Variants in OR9Q1 observed in about 807,000 individuals in gnomAD.
OR9Q1 encodes the protein olfactory receptor 9Q1.
For missense variants in OR9Q1, 374 were observed against 378.8 expected, an observed-to-expected ratio of 0.99 and a Z score of 0.11; for synonymous variants, 153 against 148.6, an observed-to-expected ratio of 1.03 and a Z score of -0.22.
At chr11:58,132,860 A>ACCCC (rs976481636) in intron 2 of OR9Q1, among the ~76,000 whole-genome samples, 1 of 151,946 alleles carries the variant, frequency 6.6e-6, no homozygotes, top group African/African-American at 2.4e-5. Context: ...CTGATTAGAA[A>ACCCC]CCCCAGTCAG....
At chr11:58,079,950 C>A (rs181177354) in intron 2 of OR9Q1, among the ~76,000 whole-genome samples, 107 of 152,290 alleles carry the variant, frequency 7.0e-4, no homozygotes, top group African/African-American at 2.5e-3. Flanking sequence ...GTTAAACCCA[C>A]TGTTTTTTAA....
At chr11:58,041,506 C>A in intron 1 of OR9Q1, 1 of 153,252 alleles carries the variant, frequency 6.5e-6, no homozygotes, top group Non-Finnish European at 1.5e-5. Context: ...GTGGTGGTGT[C>A]AGACGAAGAT....
At chr11:58,161,281 CCAAAAA>C (rs1854455489) in intron 2 of OR9Q1, among the ~76,000 whole-genome samples, 2 of 149,738 alleles carry the variant, frequency 1.3e-5, no homozygotes, top group Middle Eastern at 3.5e-3. Context: ...TGTGACTGAA[CCAAAAA>C]CATTTAAACT....
Position 58,078,018 on chromosome 11 carries a change from A to G in OR9Q1, c.-15+22071A>G, listed in dbSNP as rs143844067. On this transcript the variant is annotated intron_variant, in intron 2 of 2. Coordinates refer to ENST00000335397, the MANE Select transcript of OR9Q1 (RefSeq NM_001005212.4). ...CTGAAAATACAAAAATTAGCCAGGC[A>G]TGGTGGTGCATGCCTGTAATTCCAG... is the stretch of plus-strand genomic sequence containing the variant. 2.9e-4 allele frequency among the ~76,000 whole-genome samples: 44 copies of G among 152,260 alleles called. No individual in the cohort carries two copies. The East Asian group carries it at 5.4e-3, about 19-fold the overall frequency.
At chr11:58,146,295 T>C (rs1854298450) in intron 2 of OR9Q1, among the ~76,000 whole-genome samples, 1 of 152,232 alleles carries the variant, frequency 6.6e-6, no homozygotes, top group Non-Finnish European at 1.5e-5. Context: ...TTTACTCTAT[T>C]GTCAGAAGAC....
At chr11:58,152,955 C>T (rs890524120) in intron 2 of OR9Q1, among the ~76,000 whole-genome samples, 11 of 152,186 alleles carry the variant, frequency 7.2e-5, no homozygotes, top group South Asian at 4.1e-4. Context: ...TCCAGGAGGG[C>T]GGGCACTTAG....
intron 1 of OR9Q1, chr11:58,047,501 T>A (rs1398232768): frequency 6.6e-6 from 1 of 152,126 alleles, no homozygotes; most frequent in African/African-American, 2.4e-5. Context: ...GAAAACCTCT[T>A]CTTGGGCTTT....
chr11:58,153,881 G>A (rs1046362758), intron 2 of OR9Q1, among the ~76,000 whole-genome samples: 3 of 152,124 alleles, frequency 2.0e-5, no homozygotes, highest in African/African-American at 7.2e-5. Context: ...GGAAGAATTA[G>A]GATTTGAGGG....
At chr11:58,056,635 G>A (rs1037822922) in intron 2 of OR9Q1, among the ~76,000 whole-genome samples, 2 of 152,240 alleles carry the variant, frequency 1.3e-5, no homozygotes, top group African/African-American at 4.8e-5. Context: ...CAACAGCAGA[G>A]TTGAGTAGTT....
intron 2 of OR9Q1, among the ~76,000 whole-genome samples, chr11:58,082,112 A>G (rs1232423008): frequency 3.3e-5 from 5 of 152,290 alleles, no homozygotes; most frequent in South Asian, 4.1e-4. Context: ...TCAGGAAACA[A>G]CAGGTGCTGG....
At chr11:58,123,285 T>G (rs1854054085) in intron 2 of OR9Q1, among the ~76,000 whole-genome samples, 1 of 152,226 alleles carries the variant, frequency 6.6e-6, no homozygotes. Flanking sequence ...GAAATCTCCC[T>G]GCAGTTAATC....
rs561593944 is a variant in OR9Q1, at chr11:58,086,263, A to G, written c.-15+30316A>G. Among the ~76,000 whole-genome samples, 7 of 152,074 alleles carry G rather than the reference A, an allele frequency of 4.6e-5. No individual in the cohort carries two copies. The East Asian group carries it at 7.7e-4, about 17-fold the overall frequency. On this transcript the variant is annotated intron_variant, in intron 2 of 2. Coordinates refer to ENST00000335397, the MANE Select transcript of OR9Q1 (RefSeq NM_001005212.4). ...ATGACCAACAGATATGTGAAAAAAT[A>G]TTCATCATCGCTAATCATTAGGTAA...
chr11:58,119,149 G>A (rs1853996352), intron 2 of OR9Q1: 1 of 1,614,022 alleles, frequency 6.2e-7, no homozygotes. Context: ...AAAGAACTGG[G>A]CAGCACAGTG....
At chr11:58,167,591 A>G (rs993581664) in intron 2 of OR9Q1, among the ~76,000 whole-genome samples, 84 of 152,288 alleles carry the variant, frequency 5.5e-4, no homozygotes, top group African/African-American at 2.0e-3. Context: ...TCAACTGACT[A>G]TAAAGTGACT....
chr11:58,062,388 A>G (rs1853388323), intron 2 of OR9Q1, among the ~76,000 whole-genome samples: 1 of 152,150 alleles, frequency 6.6e-6, no homozygotes, highest in Non-Finnish European at 1.5e-5. Flanking sequence ...TCTAGGAGAG[A>G]GACTCCCTTA....
rs145479592 is a variant in OR9Q1, at chr11:58,138,465, G to C, written c.-14-40966G>C. Among the ~76,000 whole-genome samples, 589 of 152,290 alleles carry C rather than the reference G, an allele frequency of 3.9e-3. 16 individuals carry two copies. The highest frequency in any genetic ancestry group is 0.037 in the Admixed American group (571 of 15,290). ...GGAGCAACTTAAAAACCTAGTGTTT[G>C]AAAGATACTTTTTGTAATAATTTTG... On this transcript the variant is annotated intron_variant, in intron 2 of 2. Coordinates refer to ENST00000335397, the MANE Select transcript of OR9Q1 (RefSeq NM_001005212.4).
intron 2 of OR9Q1, among the ~76,000 whole-genome samples, chr11:58,127,623 A>G (rs180896016): frequency 6.6e-6 from 1 of 152,288 alleles, no homozygotes; most frequent in Admixed American, 6.5e-5. Context: ...GCTAATGGCA[A>G]TTCTCCAGAG....
At chr11:58,145,641 G>C (rs1466271580) in intron 2 of OR9Q1, among the ~76,000 whole-genome samples, 2 of 152,168 alleles carry the variant, frequency 1.3e-5, no homozygotes, top group African/African-American at 4.8e-5. Context: ...GCTTTGCTAT[G>C]GGTAAAGGTC....
chr11:58,119,966 G>C (rs1213666343), intron 2 of OR9Q1, among the ~76,000 whole-genome samples: 1 of 152,028 alleles, frequency 6.6e-6, no homozygotes, highest in Non-Finnish European at 1.5e-5. Context: ...TCACAAGTTG[G>C]AACTGATGAA....
Sources: allele counts gnomAD v4.1 joint callset (sites outside exome capture counted in the v4.1 genomes callset), GRCh38; gene constraint gnomAD v4.1.1; transcripts MANE v1.5; gene names NCBI Gene and HGNC (gene_info 2026-07-23, HGNC 2026-07-21).